Variants in SUSD1 observed in about 807,000 individuals in gnomAD.
The protein encoded by SUSD1 is sushi domain containing 1.
Under a neutral mutation model 86.9 loss-of-function variants are expected in SUSD1, and 65 were observed. That is an observed-to-expected ratio of 0.75 (90% CI 0.61 to 0.92). SUSD1 has a LOEUF of 0.92. SUSD1 is among the 40% of genes least tolerant of loss of function. The pLI, the probability that SUSD1 is intolerant of heterozygous loss-of-function variation, is 0.00. For missense variants in SUSD1, 850 were observed against 929.7 expected, an observed-to-expected ratio of 0.91 and a Z score of 1.11; for synonymous variants, 346 against 350.0, an observed-to-expected ratio of 0.99 and a Z score of 0.13.
chr9:112,153,187 A>C (rs1406865636), intron 2 of SUSD1, among the ~76,000 whole-genome samples: 1 of 151,740 alleles, frequency 6.6e-6, no homozygotes, highest in African/African-American at 2.4e-5. Flanking sequence ...GGATCACTTG[A>C]GCCCAGGAGG....
chr9:112,111,751 C>T lies in SUSD1; in HGVS notation c.1074G>A (p.Val358=), dbSNP rs1831108753. 7 of 1,614,174 alleles carry T rather than the reference C, an allele frequency of 4.3e-6. No individual in the cohort carries two copies. Among genetic ancestry groups the T allele is most frequent in the Non-Finnish European group, 5.9e-6 (7 of 1,180,026 alleles). Residue 358 remains valine (V), a synonymous_variant, in exon 8 of 17, where the codon GTG becomes GTA. Coordinates refer to ENST00000374270, the MANE Select transcript of SUSD1 (RefSeq NM_022486.5). ...NLTTDSRTPE[V]CLALYPGTNY... is the part of the protein sequence containing the mutation. ...TGGTGCCTGGGTACAGGGCTAGGCA[C>T]ACTTCTGGGGTCCTGCTGTCTGTGG...
intron 11 of SUSD1, among the ~76,000 whole-genome samples, chr9:112,078,944 A>T (rs1829648567): frequency 6.6e-6 from 1 of 150,632 alleles, no homozygotes; most frequent in Admixed American, 6.7e-5. Context: ...CTCCCAAGTA[A>T]CTGGGACCAC....
At chr9:112,053,712 G>T (rs1828326888) in intron 14 of SUSD1, among the ~76,000 whole-genome samples, 1 of 152,160 alleles carries the variant, frequency 6.6e-6, no homozygotes, top group East Asian at 1.9e-4. Flanking sequence ...TTGGGGGAAT[G>T]GAGTATATCA....
chr9:112,132,346 T>C (rs569861439), intron 5 of SUSD1, among the ~76,000 whole-genome samples: 2 of 152,376 alleles, frequency 1.3e-5, no homozygotes, highest in Admixed American at 6.5e-5. Context: ...ATTCCACTTA[T>C]TGATATTGAC....
At chr9:112,099,925 G>A (rs1589654330) in intron 9 of SUSD1, among the ~76,000 whole-genome samples, 2 of 152,258 alleles carry the variant, frequency 1.3e-5, no homozygotes, top group South Asian at 4.1e-4. Flanking sequence ...AGTTCTTTGA[G>A]CTCAATGCTA....
chr9:112,140,907 A>G (rs867039255), intron 5 of SUSD1, among the ~76,000 whole-genome samples: 4 of 152,348 alleles, frequency 2.6e-5, no homozygotes, highest in South Asian at 2.1e-4. Flanking sequence ...TACTATACTG[A>G]TTACTGTAGG....
intron 13 of SUSD1, among the ~76,000 whole-genome samples, chr9:112,061,410 A>G (rs759899497): frequency 6.6e-6 from 1 of 152,072 alleles, no homozygotes; most frequent in African/African-American, 2.4e-5. Flanking sequence ...TTCTGGAAGG[A>G]CTTTTCTCCT....
At chr9:112,165,942 G>GAAAGA (rs11377595) in intron 1 of SUSD1, among the ~76,000 whole-genome samples, 4,424 of 71,588 alleles carry the variant, frequency 0.062, 175 homozygotes, top group Non-Finnish European at 0.073. Flanking sequence ...AAGAAAGAAA[G>GAAAGA]AAGAAAGAAA....
At chr9:112,055,522 G>C (rs897339051) in intron 14 of SUSD1, among the ~76,000 whole-genome samples, 5 of 152,160 alleles carry the variant, frequency 3.3e-5, no homozygotes, top group African/African-American at 4.8e-5. Flanking sequence ...TGTTAGCAGG[G>C]ACATGGACAA....
intron 1 of SUSD1, among the ~76,000 whole-genome samples, chr9:112,171,225 G>A (rs1834032821): frequency 6.6e-6 from 1 of 152,076 alleles, no homozygotes; most frequent in African/African-American, 2.4e-5. Flanking sequence ...CTCCAGCTGG[G>A]CGTACCTGAA....
chr9:112,128,028 C>T (rs894807430), intron 5 of SUSD1, among the ~76,000 whole-genome samples: 6 of 151,568 alleles, frequency 4.0e-5, no homozygotes, highest in Non-Finnish European at 8.8e-5. Context: ...GTCTCTTACT[C>T]TCGGACTCAA....
rs1226550452 is a variant in SUSD1 at position 112,098,631 on chromosome 9, G to A, written c.1313C>T (p.Ala438Val). The change falls in exon 10 of 17, where the codon GCT becomes GTT. Residue 438 changes from alanine (A) to valine (V), a missense_variant. Transcript: ENST00000374270. ...AAACGATGTTGCATGAGAAAAGTTA[G>A]CCAGATACCACCTCTGACCCAGAAC... The part of the protein sequence containing the change: ...FTVLGQRWYL[A>V]NFSHATSFNF... 1 of 1,614,162 alleles carries A rather than the reference G, an allele frequency of 6.2e-7. No individual in the cohort carries two copies.
chr9:112,140,412 G>A (rs553270432), intron 5 of SUSD1, among the ~76,000 whole-genome samples: 8 of 151,510 alleles, frequency 5.3e-5, no homozygotes, highest in Non-Finnish European at 7.4e-5. Flanking sequence ...ATGGTAGTTC[G>A]TGCCTGTAGT....
intron 12 of SUSD1, among the ~76,000 whole-genome samples, chr9:112,064,180 C>G (rs866691473): frequency 6.6e-6 from 1 of 152,192 alleles, no homozygotes; most frequent in Middle Eastern, 3.4e-3. Flanking sequence ...AGCCGGGGTT[C>G]CCAACCCCAG....
At chr9:112,135,205 T>C (rs1832210247) in intron 5 of SUSD1, among the ~76,000 whole-genome samples, 1 of 152,206 alleles carries the variant, frequency 6.6e-6, no homozygotes, top group Non-Finnish European at 1.5e-5. Context: ...TACTTGCTCT[T>C]AAGGCGATAG....
chr9:112,073,501 G>A (rs945322177), intron 12 of SUSD1, among the ~76,000 whole-genome samples: 1 of 77,960 alleles, frequency 1.3e-5, no homozygotes, highest in Non-Finnish European at 2.6e-5. Flanking sequence ...TCCCCACCCC[G>A]CCCCCACCCA....
At chr9:112,071,216 T>C (rs1270649853) in intron 12 of SUSD1, among the ~76,000 whole-genome samples, 1 of 152,156 alleles carries the variant, frequency 6.6e-6, no homozygotes, top group Non-Finnish European at 1.5e-5. Flanking sequence ...ATCCTGGCTT[T>C]TTGGGAGGCC....
At position 112,111,649 on chromosome 9, in the gene SUSD1, C is replaced by G; in HGVS notation, c.1171+5G>C. On this transcript the variant is annotated splice_donor_5th_base_variant and intron_variant, in intron 8 of 16. Transcript: ENST00000374270. The stretch of plus-strand genomic sequence containing the variant: ...AGGAGGAAATGAGACTTCACCTCCA[C>G]CTACCAGCTGTCTGGAAACCGATGA... 1 of 1,612,514 alleles carries G rather than the reference C, an allele frequency of 6.2e-7. No homozygotes were observed. The highest frequency in any genetic ancestry group is 8.5e-7 in the Non-Finnish European group (1 of 1,179,322).
intron 8 of SUSD1, among the ~76,000 whole-genome samples, chr9:112,108,913 T>A (rs1342862964): frequency 1.4e-5 from 2 of 147,396 alleles, no homozygotes; most frequent in African/African-American, 2.5e-5. Context: ...AACCCAAGAG[T>A]TCATCCCTCG....
Sources: allele counts gnomAD v4.1 joint callset (sites outside exome capture counted in the v4.1 genomes callset), GRCh38; gene constraint gnomAD v4.1.1; transcripts MANE v1.5; gene names NCBI Gene and HGNC (gene_info 2026-07-23, HGNC 2026-07-21).